The following RIT2 variants were observed in gnomAD, a reference collection of about 807,000 sequenced individuals.
RIT2 encodes Ras like without CAAX 2.
RIT2 carries 24 observed loss-of-function variants against 23.7 expected under a neutral mutation model. That is an observed-to-expected ratio of 1.01 (90% CI 0.73 to 1.43). The LOEUF (loss-of-function observed/expected upper bound fraction) is 1.43, where lower values mean the gene tolerates loss of function less well. RIT2 is among the 40% of genes most tolerant of loss of function. RIT2 has a pLI of 0.00. For synonymous variants in RIT2, 107 were observed against 91.1 expected (o/e 1.17, Z -0.99); for missense variants, 236 against 266.9 (o/e 0.88, Z 0.81).
chr18:43,115,413 T>G lies in RIT2; in HGVS notation c.103+4A>C. ...CTTCCCCAGCATTTGGTGTGAAAAC[T>G]TACCGCTTTTACCAACTCCCCCTGC... On this transcript the variant is annotated splice_donor_region_variant and intron_variant, in intron 1 of 4. Transcript: ENST00000326695. The G allele has an allele frequency of 6.2e-7, 1 of 1,613,228 alleles. No homozygotes were observed.
chr18:43,088,529 G>T (rs756827243), intron 1 of RIT2, among the ~76,000 whole-genome samples: 3 of 152,078 alleles, frequency 2.0e-5, no homozygotes, highest in Non-Finnish European at 2.9e-5. Flanking sequence ...ATAGAAACAG[G>T]ACAGAGAGGA....
intron 4 of RIT2, among the ~76,000 whole-genome samples, chr18:42,863,225 A>G (rs1290865461): frequency 6.6e-6 from 1 of 152,148 alleles, no homozygotes; most frequent in Non-Finnish European, 1.5e-5. Flanking sequence ...TCCTTACTGA[A>G]AACTTTTAGA....
chr18:43,058,438 A>T (rs1420993133), intron 1 of RIT2, among the ~76,000 whole-genome samples: 1 of 152,116 alleles, frequency 6.6e-6, no homozygotes, highest in Non-Finnish European at 1.5e-5. Context: ...ACTAAATTAG[A>T]TTCTAATTGG....
intron 2 of RIT2, among the ~76,000 whole-genome samples, chr18:43,023,483 A>G (rs1474158476): frequency 6.6e-6 from 1 of 152,100 alleles, no homozygotes; most frequent in Non-Finnish European, 1.5e-5. Flanking sequence ...AAGGATATCA[A>G]AATATTCATT....
intron 4 of RIT2, chr18:42,920,907 C>T (rs2144130574): frequency 1.7e-6 from 1 of 581,018 alleles, no homozygotes; most frequent in Non-Finnish European, 3.0e-6. Context: ...GCAAACCATC[C>T]AGGTGTCAGC....
At chr18:42,821,660 T>A (rs1906153301) in intron 4 of RIT2, among the ~76,000 whole-genome samples, 1 of 152,146 alleles carries the variant, frequency 6.6e-6, no homozygotes, top group South Asian at 2.1e-4. Flanking sequence ...GCTTAAAATG[T>A]CAATTGTTTA....
chr18:42,831,906 G>A (rs1906468999), intron 4 of RIT2, among the ~76,000 whole-genome samples: 1 of 152,146 alleles, frequency 6.6e-6, no homozygotes, highest in Admixed American at 6.5e-5. Context: ...TGCAATGGCT[G>A]TGACCCTACA....
chr18:42,796,096 C>A (rs962291786), intron 4 of RIT2, among the ~76,000 whole-genome samples: 1 of 152,204 alleles, frequency 6.6e-6, no homozygotes. Context: ...ACTGTGGAAG[C>A]TTTGTTCTTT....
chr18:43,012,461 T>C (rs1911372261), intron 2 of RIT2, among the ~76,000 whole-genome samples: 1 of 151,794 alleles, frequency 6.6e-6, no homozygotes. Context: ...GGGATTTGTA[T>C]ATTATACTTC....
At chr18:43,052,032 C>T (rs1400563408) in intron 1 of RIT2, among the ~76,000 whole-genome samples, 1 of 152,064 alleles carries the variant, frequency 6.6e-6, no homozygotes, top group African/African-American at 2.4e-5. Context: ...CAAAGTTTTA[C>T]AAGACGTGCC....
chr18:43,030,026 A>G (rs1911818462), intron 2 of RIT2, among the ~76,000 whole-genome samples: 1 of 152,056 alleles, frequency 6.6e-6, no homozygotes, highest in African/African-American at 2.4e-5. Context: ...CTAATTTTCC[A>G]TTTAATGAAT....
At chr18:42,982,018 G>T (rs1910609334) in intron 2 of RIT2, among the ~76,000 whole-genome samples, 1 of 152,070 alleles carries the variant, frequency 6.6e-6, no homozygotes, top group African/African-American at 2.4e-5. Flanking sequence ...ATCCATGATG[G>T]GTCACTACCA....
intron 1 of RIT2, among the ~76,000 whole-genome samples, chr18:43,090,036 A>G (rs186128366): frequency 3.5e-4 from 54 of 152,316 alleles, no homozygotes; most frequent in African/African-American, 1.3e-3. Context: ...AAAATTGACA[A>G]GTGGAATCTA....
intron 1 of RIT2, among the ~76,000 whole-genome samples, chr18:43,056,390 T>C (rs1248690724): frequency 6.6e-6 from 1 of 152,072 alleles, no homozygotes; most frequent in Non-Finnish European, 1.5e-5. Context: ...CCACCCAAGA[T>C]TGTGCAGACA....
intron 4 of RIT2, among the ~76,000 whole-genome samples, chr18:42,890,627 C>T (rs902003459): frequency 1.3e-5 from 2 of 151,782 alleles, no homozygotes; most frequent in East Asian, 3.9e-4. Flanking sequence ...AAAGCATAGA[C>T]GTTCTAAGAG....
chr18:42,947,374 G>A (rs1909752071), intron 3 of RIT2, among the ~76,000 whole-genome samples: 1 of 152,058 alleles, frequency 6.6e-6, no homozygotes, highest in Non-Finnish European at 1.5e-5. Context: ...TGGATGTTGT[G>A]ATCAGTCGAT....
intron 2 of RIT2, among the ~76,000 whole-genome samples, chr18:43,012,574 C>G (rs1407983910): frequency 6.6e-6 from 1 of 151,452 alleles, no homozygotes; most frequent in Non-Finnish European, 1.5e-5. Flanking sequence ...TTTAAGTGTT[C>G]TCTATACTCA....
intron 4 of RIT2, among the ~76,000 whole-genome samples, chr18:42,878,079 C>T (rs1043449330): frequency 7.3e-5 from 11 of 150,938 alleles, no homozygotes; most frequent in East Asian, 1.9e-4. Context: ...ACTGTATAAG[C>T]ATATTCATAT....
intron 3 of RIT2, among the ~76,000 whole-genome samples, chr18:42,956,758 A>C (rs2144180498): frequency 6.6e-6 from 1 of 152,298 alleles, no homozygotes; most frequent in East Asian, 1.9e-4. Flanking sequence ...AAAAAAACTC[A>C]GATGTACTCA....
Sources: gnomAD v4.1 joint callset for allele counts (sites outside exome capture counted in the v4.1 genomes callset) on GRCh38, gnomAD v4.1.1 for gene constraint, MANE v1.5 for transcripts, NCBI Gene and HGNC (gene_info 2026-07-23, HGNC 2026-07-21) for gene names.